Variants in ZNF366 observed in about 807,000 individuals in gnomAD.
The protein encoded by ZNF366 is zinc finger protein 366, also known as dendritic cell-specific transcript protein.
A neutral mutation model predicts 47.2 loss-of-function variants in ZNF366; 20 were observed. The ratio of observed to expected loss-of-function variants is 0.42; its 90% CI spans 0.30 to 0.62. The LOEUF (loss-of-function observed/expected upper bound fraction) is 0.62. Among genes scored for constraint, ZNF366 ranks in the 20% least tolerant of loss-of-function variants. The pLI is 0.16. For missense variants in ZNF366, 987 were observed against 976.3 expected (o/e 1.01, Z -0.15); for synonymous variants, 421 against 395.1 (o/e 1.07, Z -0.78).
chr5:72,494,981 C>T (rs1744083414), intron 1 of ZNF366, among the ~76,000 whole-genome samples: 3 of 152,094 alleles, frequency 2.0e-5, no homozygotes. Flanking sequence ...TGTAGTTTTA[C>T]GGCTTGCCTT....
intron 1 of ZNF366, among the ~76,000 whole-genome samples, chr5:72,480,269 TGA>T (rs1403166226): frequency 1.3e-5 from 2 of 152,250 alleles, no homozygotes; most frequent in Non-Finnish European, 2.9e-5. Flanking sequence ...GGGCCTATTC[TGA>T]GAGACTGGAT....
intron 1 of ZNF366, among the ~76,000 whole-genome samples, 154 bp from the exon 2 acceptor site, chr5:72,461,664 G>A (rs1431420113): frequency 2.6e-5 from 4 of 152,084 alleles, no homozygotes; most frequent in Non-Finnish European, 5.9e-5. Context: ...TCAAAATATC[G>A]CTTTTCTTTC....
intron 3 of ZNF366, among the ~76,000 whole-genome samples, chr5:72,453,240 ACT>A (rs1341731591): frequency 6.6e-6 from 1 of 152,138 alleles, no homozygotes; most frequent in Non-Finnish European, 1.5e-5. Context: ...CCAAAATTAG[ACT>A]CTGTTACTAA....
chr5:72,467,931 G>A (rs1322886829), intron 1 of ZNF366, among the ~76,000 whole-genome samples: 1 of 152,136 alleles, frequency 6.6e-6, no homozygotes, highest in East Asian at 1.9e-4. Flanking sequence ...AGGGTAGGGG[G>A]TGGGGAGGAC....
At chr5:72,496,546 C>T (rs1460170078) in intron 1 of ZNF366, among the ~76,000 whole-genome samples, 2 of 152,136 alleles carry the variant, frequency 1.3e-5, no homozygotes, top group Non-Finnish European at 2.9e-5. Flanking sequence ...AATTTATGAG[C>T]CTTTGGATTG....
At chr5:72,472,415 G>A (rs116353829) in intron 1 of ZNF366, 279 of 204,362 alleles carry the variant, frequency 1.4e-3, no homozygotes, top group African/African-American at 6.3e-3. Flanking sequence ...AAAGGATGAA[G>A]GACTATCTTT....
Position 72,460,198 on chromosome 5 carries a change from C to T in ZNF366, c.1299G>A (p.Pro433=). The T allele has an allele frequency of 1.9e-6, 3 of 1,614,182 alleles. No individual in the cohort carries two copies. Among genetic ancestry groups the T allele is most frequent in the South Asian group, 1.1e-5 (1 of 91,074 alleles). ...TGAGGGAGTGCTGCTTGAGGTGGTGCGGCTGCACAAACTCCATGCCACACT... is the reference window on the plus strand; with the variant it reads ...TGAGGGAGTGCTGCTTGAGGTGGTGTGGCTGCACAAACTCCATGCCACACT... The part of the protein sequence containing the change: ...CSECGMEFVQ[P]HHLKQHSLTH... The change falls in exon 2 of 5, where the codon CCG becomes CCA. Residue 433 remains proline (P), a synonymous_variant. Transcript: ENST00000318442.
rs897593986 is a variant in ZNF366, at chr5:72,444,393, G to A, written c.1700-102C>T. 5.2e-5 allele frequency: 67 copies of A among 1,278,080 alleles called. No individual in the cohort carries two copies. In the South Asian group the frequency reaches 7.4e-4, roughly 14 times the overall value. 79.2% of individuals were successfully genotyped at this position (1,278,080 alleles called of 1,614,324 possible). A position where few individuals can be genotyped will look rare whatever the true frequency, so the allele number is the denominator to read the frequency against. On this transcript the variant is annotated intron_variant, in intron 4 of 4. Coordinates refer to ENST00000318442, the MANE Select transcript of ZNF366 (RefSeq NM_152625.3). ...GGGGCCGTTTAATGTATTCCGATGCGTATTTTAAAAATAGATCATTCCCAG... is the reference window on the plus strand; with the variant it reads ...GGGGCCGTTTAATGTATTCCGATGCATATTTTAAAAATAGATCATTCCCAG...
intron 1 of ZNF366, among the ~76,000 whole-genome samples, chr5:72,469,160 T>A (rs1362041676): frequency 6.6e-6 from 1 of 152,092 alleles, no homozygotes; most frequent in Non-Finnish European, 1.5e-5. Context: ...GTGCTGAGAA[T>A]CAATGCATAA....
At chr5:72,462,590 G>A (rs1743346700) in intron 1 of ZNF366, among the ~76,000 whole-genome samples, 2 of 115,242 alleles carry the variant, frequency 1.7e-5, no homozygotes, top group Non-Finnish European at 3.5e-5. Flanking sequence ...CTGTTGCCCA[G>A]GCTGAAGTGC....
chr5:72,485,639 T>C (rs1033494963), intron 1 of ZNF366, among the ~76,000 whole-genome samples: 7 of 152,178 alleles, frequency 4.6e-5, no homozygotes, highest in African/African-American at 9.7e-5. Flanking sequence ...CTCAACACAA[T>C]AGTCAGGCAG....
intron 1 of ZNF366, among the ~76,000 whole-genome samples, chr5:72,482,053 G>A (rs1464324386): frequency 6.6e-6 from 1 of 152,098 alleles, no homozygotes; most frequent in African/African-American, 2.4e-5. Context: ...CTCTATCCTG[G>A]TCCGTGTAAA....
Position 72,461,218 on chromosome 5 carries a change from T to C in ZNF366, c.279A>G (p.Glu93=). ...CTGAGTGGAGGGCGAGGGTGACTTC[T>C]TCTGCAGGGTGGTTATAGGGCATCT... is the stretch of plus-strand genomic sequence containing the variant. ...PTKMPYNHPA[E]EVTLALHSEE... Residue 93 remains glutamate (E), a synonymous_variant, in exon 2 of 5, where the codon GAA becomes GAG. Coordinates refer to ENST00000318442, the MANE Select transcript of ZNF366 (RefSeq NM_152625.3). The C allele has an allele frequency of 6.2e-7, 1 of 1,614,144 alleles. No homozygotes were observed. The highest frequency in any genetic ancestry group is 1.7e-5 in the Admixed American group (1 of 60,014).
At chr5:72,458,570 CA>C (rs1229157629) in intron 2 of ZNF366, among the ~76,000 whole-genome samples, 4 of 152,270 alleles carry the variant, frequency 2.6e-5, no homozygotes, top group African/African-American at 7.2e-5. Context: ...GTCAGGTGGT[CA>C]GGGGTGCGAA....
intron 1 of ZNF366, among the ~76,000 whole-genome samples, chr5:72,488,025 G>A (rs1342983589): frequency 2.0e-5 from 3 of 151,986 alleles, no homozygotes; most frequent in Non-Finnish European, 4.4e-5. Flanking sequence ...GGCCAACATG[G>A]TAAAACCCCC....
At position 72,461,060 on chromosome 5, in the gene ZNF366, C is replaced by G. The variant is rs776781621; in HGVS notation, c.437G>C (p.Gly146Ala). The G allele has an allele frequency of 3.7e-6, 6 of 1,614,136 alleles. No homozygotes were observed. Among genetic ancestry groups the G allele is most frequent in the Middle Eastern group, 1.6e-4 (1 of 6,062 alleles). ...FQFYRSLEHF[G>A]GKPVKQEPIK... ...GGGTTCCTGCTTGACGGGCTTGCCCCCAAAGTGTTCCAGGCTGCGGTAGAA... is the reference window on the plus strand; with the variant it reads ...GGGTTCCTGCTTGACGGGCTTGCCCGCAAAGTGTTCCAGGCTGCGGTAGAA... The change falls in exon 2 of 5, where the codon GGG (glycine) becomes GCG (alanine). Residue 146 changes from glycine to alanine, a missense_variant. By Grantham distance (60) the Gly-to-Ala change is moderately conservative. Around this residue, in one of 3 missense-constraint regions of ZNF366, gnomAD observed 591 missense variants for 560.9 expected, o/e 1.05. Transcript: ENST00000318442.
At chr5:72,462,547 C>CTTTCTTTCTTTCTTTCTTTCTTTTT (rs11275151) in intron 1 of ZNF366, among the ~76,000 whole-genome samples, 3 of 78,916 alleles carry the variant, frequency 3.8e-5, no homozygotes, top group African/African-American at 6.0e-5. Context: ...TTCTTTCTTT[C>CTTTCTTTCTTTCTTTCTTTCTTTTT]TTTTTTTTTT....
At chr5:72,490,630 C>T (rs1300814910) in intron 1 of ZNF366, among the ~76,000 whole-genome samples, 2 of 152,148 alleles carry the variant, frequency 1.3e-5, no homozygotes, top group African/African-American at 2.4e-5. Flanking sequence ...CTGGCCTTCT[C>T]AATGGGGGCA....
intron 1 of ZNF366, among the ~76,000 whole-genome samples, chr5:72,503,727 C>G (rs1744262086): frequency 6.6e-6 from 1 of 152,228 alleles, no homozygotes; most frequent in Non-Finnish European, 1.5e-5. Flanking sequence ...TCCACCAAGC[C>G]ACATGAGAGG....
Sources: allele counts gnomAD v4.1 joint callset (sites outside exome capture counted in the v4.1 genomes callset), GRCh38; gene constraint gnomAD v4.1.1; regional missense constraint gnomAD v4.1.1; transcripts MANE v1.5; gene names NCBI Gene and HGNC (gene_info 2026-07-23, HGNC 2026-07-21).